ACAP2: variants seen among roughly 807,000 people sequenced by gnomAD.
The protein encoded by ACAP2 is arf-GAP with coiled-coil, ANK repeat and PH domain-containing protein 2.
In ACAP2, 39 loss-of-function variants were observed where a neutral mutation model predicts 115.8. That is an observed-to-expected ratio of 0.34 (90% CI 0.26 to 0.44). The LOEUF is 0.44. ACAP2 is among the 20% of genes least tolerant of loss of function. The pLI is 1.00. For missense variants in ACAP2, 662 were observed against 927.6 expected, an observed-to-expected ratio of 0.71 and a Z score of 3.72; for synonymous variants, 289 against 315.8, an observed-to-expected ratio of 0.92 and a Z score of 0.90.
intron 1 of ACAP2, among the ~76,000 whole-genome samples, chr3:195,402,209 T>G (rs946271135): frequency 2.0e-5 from 3 of 152,182 alleles, no homozygotes; most frequent in Non-Finnish European, 4.4e-5. Flanking sequence ...GTTGAATGGG[T>G]GATGAATGGA....
chr3:195,368,176 G>A (rs988052300), intron 4 of ACAP2, among the ~76,000 whole-genome samples: 6 of 152,140 alleles, frequency 3.9e-5, no homozygotes, highest in African/African-American at 1.4e-4. Flanking sequence ...CTGAGACCAA[G>A]TCTCTCTCTG....
At chr3:195,433,255 A>C (rs1254245893) in intron 1 of ACAP2, among the ~76,000 whole-genome samples, 1 of 152,178 alleles carries the variant, frequency 6.6e-6, no homozygotes, top group Non-Finnish European at 1.5e-5. Flanking sequence ...GTTATGTGTA[A>C]ATAGTTGTTA....
At chr3:195,394,821 G>A (rs973994467) in intron 1 of ACAP2, among the ~76,000 whole-genome samples, 10 of 152,218 alleles carry the variant, frequency 6.6e-5, no homozygotes, top group Admixed American at 1.3e-4. Context: ...GCTTGAGCCC[G>A]GAGGATTGCT....
chr3:195,359,164 T>A (rs1732181253), intron 4 of ACAP2, among the ~76,000 whole-genome samples: 1 of 152,130 alleles, frequency 6.6e-6, no homozygotes, highest in South Asian at 2.1e-4. Flanking sequence ...ACCAGACCTG[T>A]CCTACAAGAA....
chr3:195,349,239 T>C (rs1731382020), intron 4 of ACAP2, among the ~76,000 whole-genome samples: 1 of 152,048 alleles, frequency 6.6e-6, no homozygotes, highest in Non-Finnish European at 1.5e-5. Context: ...CCCAGCACTT[T>C]GGGAGGCCAA....
intron 1 of ACAP2, among the ~76,000 whole-genome samples, chr3:195,403,793 C>A (rs540230490): frequency 6.6e-6 from 1 of 152,234 alleles, no homozygotes; most frequent in East Asian, 1.9e-4. Flanking sequence ...TCCAAAATAT[C>A]TACTAGATAT....
At chr3:195,428,289 G>A (rs1467281991) in intron 1 of ACAP2, among the ~76,000 whole-genome samples, 1 of 148,076 alleles carries the variant, frequency 6.8e-6, no homozygotes, top group East Asian at 2.0e-4. Flanking sequence ...GTCATACATA[G>A]GTATACATAC....
At chr3:195,283,083 C>T (rs1726611316) in intron 22 of ACAP2, among the ~76,000 whole-genome samples, 1 of 152,188 alleles carries the variant, frequency 6.6e-6, no homozygotes, top group African/African-American at 2.4e-5. Flanking sequence ...GCTACATACT[C>T]ACATAACCAG....
intron 2 of ACAP2, among the ~76,000 whole-genome samples, chr3:195,384,619 C>CAGGA (rs1734168454): frequency 1.3e-5 from 2 of 151,992 alleles, no homozygotes; most frequent in Admixed American, 1.3e-4. Context: ...CCCAGCTAGT[C>CAGGA]AGGAGGCTGA....
intron 1 of ACAP2, among the ~76,000 whole-genome samples, chr3:195,413,990 A>G (rs1427259678): frequency 3.9e-5 from 6 of 152,098 alleles, no homozygotes; most frequent in African/African-American, 1.2e-4. Flanking sequence ...AAAAAGAAAA[A>G]AAAAGAAAGA....
At chr3:195,300,271 C>T (rs565024558) in intron 15 of ACAP2, among the ~76,000 whole-genome samples, 1 of 152,166 alleles carries the variant, frequency 6.6e-6, no homozygotes, top group Admixed American at 6.5e-5. Context: ...TTTCAAACTC[C>T]TGACCTCAAG....
chr3:195,331,514 T>C (rs113724079), intron 8 of ACAP2, among the ~76,000 whole-genome samples: 3,252 of 151,916 alleles, frequency 0.021, 112 homozygotes, highest in East Asian at 0.1. Flanking sequence ...GGTTTCACCA[T>C]GTTGCCCAGG....
chr3:195,340,918 G>A (rs1730823764), intron 6 of ACAP2, among the ~76,000 whole-genome samples: 1 of 152,030 alleles, frequency 6.6e-6, no homozygotes, highest in African/African-American at 2.4e-5. Context: ...TTACTGAACA[G>A]GAACTTAATA....
chr3:195,442,707 GCCT>G, intron 1 of ACAP2, 85 bp downstream of exon 1: 1 of 1,380,992 alleles, frequency 7.2e-7, no homozygotes, highest in Non-Finnish European at 9.8e-7. Flanking sequence ...GGACGGCGGG[GCCT>G]CCTCCGGGTG....
chr3:195,287,409 T>A (rs1444300005), intron 21 of ACAP2, among the ~76,000 whole-genome samples: 4 of 152,178 alleles, frequency 2.6e-5, no homozygotes, highest in Non-Finnish European at 1.5e-5. Flanking sequence ...AAATAATTTT[T>A]TTTTTTTTTG....
intron 20 of ACAP2, among the ~76,000 whole-genome samples, chr3:195,289,501 C>T (rs1253385008): frequency 1.3e-5 from 2 of 151,950 alleles, no homozygotes; most frequent in African/African-American, 2.4e-5. Flanking sequence ...TCCCTACCCT[C>T]AAAGAATATC....
In ACAP2 at chr3:195,361,910, A is replaced by G. The variant is rs1026873269; in HGVS notation, c.286-16593T>C. ...GAACAACTATGCACCAATAAATTAG[A>G]AAACCTAGAATAAATGGATAAATTC... On this transcript the variant is annotated intron_variant, in intron 4 of 22. Transcript: ENST00000326793. Among the ~76,000 whole-genome samples the G allele has an allele frequency of 2.6e-5, 4 of 152,204 alleles. No homozygotes were observed. The South Asian group carries it at 8.3e-4, about 31-fold the overall frequency.
In ACAP2 at chr3:195,276,613, GAAAAT is replaced by G. The variant is rs1219908834; in HGVS notation, c.*2710_*2714del. On this transcript the variant is annotated 3_prime_UTR_variant, in exon 23 of 23. Coordinates refer to ENST00000326793, the MANE Select transcript of ACAP2 (RefSeq NM_012287.6). ...AATAATAGCAGATAAGTTATGGAAA[GAAAAT>G]AAAAGGCCAATCACATTGACTAATG... The G allele has an allele frequency of 1.3e-5, 2 of 152,122 alleles. No individual in the cohort carries two copies. The highest frequency in any genetic ancestry group is 4.8e-5 in the African/African-American group (2 of 41,440). 9.4% of individuals were successfully genotyped at this position (152,122 alleles called of 1,614,324 possible). A position where few individuals can be genotyped will look rare whatever the true frequency, so the allele number is the denominator to read the frequency against.
intron 4 of ACAP2, among the ~76,000 whole-genome samples, chr3:195,355,802 T>C (rs1450967882): frequency 6.6e-6 from 1 of 152,240 alleles, no homozygotes; most frequent in Non-Finnish European, 1.5e-5. Flanking sequence ...CATTTCCAGT[T>C]CTTACAAGTA....
Sources: allele counts gnomAD v4.1 joint callset (sites outside exome capture counted in the v4.1 genomes callset), GRCh38; gene constraint gnomAD v4.1.1; transcripts MANE v1.5; gene names NCBI Gene and HGNC (gene_info 2026-07-23, HGNC 2026-07-21).